The following RCAN1 variants were observed in gnomAD, a reference collection of about 807,000 sequenced individuals.
RCAN1 encodes the protein calcipressin-1.
Under a neutral mutation model 22.9 loss-of-function variants are expected in RCAN1, and 11 were observed. The observed-to-expected ratio is 0.48, with a 90% CI of 0.30 to 0.79. The LOEUF (loss-of-function observed/expected upper bound fraction) is 0.79. RCAN1 is among the 30% of genes least tolerant of loss of function. RCAN1 has a pLI of 0.06. For missense variants in RCAN1, 291 were observed against 337.8 expected (o/e 0.86, Z 1.09); for synonymous variants, 136 against 142.3 (o/e 0.96, Z 0.32).
At chr21:34,578,131 G>A (rs1328237044) in intron 1 of RCAN1, among the ~76,000 whole-genome samples, 1 of 104,788 alleles carries the variant, frequency 9.5e-6, no homozygotes, top group Non-Finnish European at 2.5e-5. Context: ...CCAGCATGAA[G>A]GCCACATGCA....
At position 34,567,002 on chromosome 21, in the gene RCAN1, C is replaced by T. The variant is rs1276072248; in HGVS notation, c.253-43292G>A. Among the ~76,000 whole-genome samples the T allele has an allele frequency of 2.0e-5, 3 of 152,184 alleles. No homozygotes were observed. In the East Asian group the frequency reaches 5.8e-4, roughly 29 times the overall value. On this transcript the variant is annotated intron_variant, in intron 1 of 3. Coordinates refer to ENST00000313806, the MANE Select transcript of RCAN1 (RefSeq NM_004414.7). ...GGCCTCCCTGCAACACTGGGGATCA[C>T]ATTTGAACATGACATTTGGAGGGGA...
chr21:34,585,837 T>A (rs981272268), intron 1 of RCAN1, among the ~76,000 whole-genome samples: 1 of 145,920 alleles, frequency 6.9e-6, no homozygotes, highest in Non-Finnish European at 1.5e-5. Flanking sequence ...AACAGTAAGA[T>A]GACAGGAAAT....
intron 1 of RCAN1, among the ~76,000 whole-genome samples, chr21:34,596,377 G>A (rs1479157779): frequency 1.3e-5 from 2 of 152,178 alleles, no homozygotes; most frequent in Non-Finnish European, 2.9e-5. Flanking sequence ...CAGGGGCCCA[G>A]GGACTGATGC....
At chr21:34,612,903 C>G (rs1384023323) in intron 1 of RCAN1, among the ~76,000 whole-genome samples, 4 of 152,236 alleles carry the variant, frequency 2.6e-5, no homozygotes, top group African/African-American at 9.6e-5. Context: ...CCACTCTGAC[C>G]AAGCCCCCTC....
chr21:34,539,231 A>C (rs966046481), intron 1 of RCAN1, among the ~76,000 whole-genome samples: 4 of 152,362 alleles, frequency 2.6e-5, no homozygotes, highest in Non-Finnish European at 5.9e-5. Flanking sequence ...CTGCAAGGCA[A>C]ATAAAATATG....
intron 1 of RCAN1, among the ~76,000 whole-genome samples, chr21:34,543,657 T>A (rs1220900904): frequency 6.6e-6 from 1 of 152,252 alleles, no homozygotes; most frequent in Non-Finnish European, 1.5e-5. Flanking sequence ...GCAGCTAGAA[T>A]GTTCAAAGGA....
intron 1 of RCAN1, among the ~76,000 whole-genome samples, chr21:34,577,065 C>T (rs933346483): frequency 8.5e-5 from 13 of 152,184 alleles, no homozygotes; most frequent in South Asian, 2.1e-4. Flanking sequence ...GCATCCCAGG[C>T]GGAGGCAACT....
At chr21:34,583,579 A>G (rs1411809593) in intron 1 of RCAN1, among the ~76,000 whole-genome samples, 1 of 152,228 alleles carries the variant, frequency 6.6e-6, no homozygotes, top group African/African-American at 2.4e-5. Context: ...AGGGAAGACC[A>G]TGTGAGGACA....
Position 34,601,690 on chromosome 21 carries a change from C to T in RCAN1, c.252+13070G>A, listed in dbSNP as rs558035847. On this transcript the variant is annotated intron_variant, in intron 1 of 3. Coordinates refer to ENST00000313806, the MANE Select transcript of RCAN1 (RefSeq NM_004414.7). ...AAAATTAGCCAGGCGTGGTGGTGGG[C>T]GCCTGTAGTCCCAGCTACTTGGGAG... Among the ~76,000 whole-genome samples the T allele has an allele frequency of 3.0e-4, 45 of 151,860 alleles. 1 individual carries two copies. Among genetic ancestry groups the T allele is most frequent in the Middle Eastern group, 3.4e-3 (1 of 292 alleles).
intron 1 of RCAN1, among the ~76,000 whole-genome samples, chr21:34,543,978 C>T (rs1986026419): frequency 6.6e-6 from 1 of 152,250 alleles, no homozygotes; most frequent in African/African-American, 2.4e-5. Flanking sequence ...TATCTCTAGA[C>T]TGAATCCTAT....
chr21:34,604,592 AG>A (rs1446409731), intron 1 of RCAN1, among the ~76,000 whole-genome samples: 1 of 152,234 alleles, frequency 6.6e-6, no homozygotes, highest in African/African-American at 2.4e-5. Context: ...AAGCCAGAGA[AG>A]CTGTGTGGAA....
intron 1 of RCAN1, among the ~76,000 whole-genome samples, chr21:34,530,616 G>GTTTTTT (rs59150851): frequency 0.016 from 1,049 of 65,928 alleles, 67 homozygotes; most frequent in Non-Finnish European, 0.025. Flanking sequence ...TAGTGAAATA[G>GTTTTTT]TTTTTTTTTT....
chr21:34,588,869 A>C (rs146597988), intron 1 of RCAN1, among the ~76,000 whole-genome samples: 247 of 152,368 alleles, frequency 1.6e-3, no homozygotes, highest in African/African-American at 5.8e-3. Context: ...GAAATTTTGA[A>C]ACATGTACAA....
chr21:34,578,284 C>T (rs1320514301), intron 1 of RCAN1, among the ~76,000 whole-genome samples: 1 of 152,220 alleles, frequency 6.6e-6, no homozygotes, highest in Non-Finnish European at 1.5e-5. Flanking sequence ...GGCAGGACAT[C>T]ATAACGCCCT....
chr21:34,519,826 C>T lies in RCAN1; in HGVS notation c.587-1570G>A, dbSNP rs751206781. ...AGCCACACTGGTTACTCCTCTAAAC[C>T]TGGAAGGTACTTTTACTGATAAGGA... On this transcript the variant is annotated intron_variant, in intron 3 of 3. Coordinates refer to ENST00000313806, the MANE Select transcript of RCAN1 (RefSeq NM_004414.7). 3.9e-5 allele frequency among the ~76,000 whole-genome samples: 6 copies of T among 152,284 alleles called. 1 individual carries two copies. The Middle Eastern group carries it at 0.01, about 259-fold the overall frequency.
At chr21:34,557,250 T>C (rs1352920158) in intron 1 of RCAN1, among the ~76,000 whole-genome samples, 2 of 152,136 alleles carry the variant, frequency 1.3e-5, no homozygotes, top group Non-Finnish European at 2.9e-5. Context: ...TTAAAAAAGC[T>C]GTGAAGACCA....
intron 1 of RCAN1, among the ~76,000 whole-genome samples, chr21:34,600,398 A>G (rs1203496556): frequency 6.6e-6 from 1 of 152,118 alleles, no homozygotes; most frequent in African/African-American, 2.4e-5. Context: ...TGGCTGGTGC[A>G]GTAGGTGGAG....
chr21:34,573,855 C>T (rs1434181706), intron 1 of RCAN1, among the ~76,000 whole-genome samples: 4 of 152,150 alleles, frequency 2.6e-5, no homozygotes, highest in African/African-American at 9.7e-5. Flanking sequence ...TTTGTTGTCG[C>T]TGTTACAATA....
chr21:34,567,944 G>T (rs1431144548), intron 1 of RCAN1, among the ~76,000 whole-genome samples: 1 of 151,814 alleles, frequency 6.6e-6, no homozygotes, highest in East Asian at 1.9e-4. Context: ...CATTTGGTTG[G>T]TCAATGTCAA....
Sources: allele counts gnomAD v4.1 joint callset (sites outside exome capture counted in the v4.1 genomes callset), GRCh38; gene constraint gnomAD v4.1.1; transcripts MANE v1.5; gene names NCBI Gene and HGNC (gene_info 2026-07-23, HGNC 2026-07-21).